The following RPGRIP1L variants were observed in gnomAD, a reference collection of about 807,000 sequenced individuals.
RPGRIP1L encodes the protein protein fantom.
A neutral mutation model predicts 160.4 loss-of-function variants in RPGRIP1L; 131 were observed. The observed-to-expected ratio is 0.82, with a 90% CI of 0.71 to 0.94. The LOEUF is 0.94. Among genes scored for constraint, RPGRIP1L ranks in the 40% least tolerant of loss-of-function variants. The pLI is 0.00. For missense variants in RPGRIP1L, 1,522 were observed against 1,535.8 expected (o/e 0.99, Z 0.15); for synonymous variants, 510 against 515.8 (o/e 0.99, Z 0.15).
chr16:53,646,921 C>T (rs1489549644), intron 16 of RPGRIP1L, among the ~76,000 whole-genome samples: 1 of 152,128 alleles, frequency 6.6e-6, no homozygotes, highest in East Asian at 1.9e-4. Context: ...ACGTGAATCA[C>T]AATATTGCTT....
rs1238554718 is a variant in RPGRIP1L, at chr16:53,600,677, G to A, written c.*1399C>T. 6.6e-6 allele frequency: 1 copy of A among 152,512 alleles called. No individual in the cohort carries two copies. Among genetic ancestry groups the A allele is most frequent in the Non-Finnish European group, 1.5e-5 (1 of 68,016 alleles). 9.4% of individuals were successfully genotyped at this position (152,512 alleles called of 1,614,324 possible). On this transcript the variant is annotated 3_prime_UTR_variant, in exon 27 of 27. Coordinates refer to ENST00000647211, the MANE Select transcript of RPGRIP1L (RefSeq NM_015272.5). ...ATACTTGCATTTTTGCATTATAGCT[G>A]CTTTTTTTTTCTATTGAACTGTAAT...
Position 53,696,295 on chromosome 16 carries a change from T to G in RPGRIP1L, c.86A>C (p.Glu29Ala), listed in dbSNP as rs1246633231. ...CTTCATTGTCCGTGTTGTTGAAGTTTCTGCAAAAATGCCAAGATAATTAAT... is the reference window on the plus strand; with the variant it reads ...CTTCATTGTCCGTGTTGTTGAAGTTGCTGCAAAAATGCCAAGATAATTAAT... ...LNLFGMGGLQ[E>A]TSTTRTMKSR... The change falls in exon 3 of 27, where the codon GAA (glutamate) becomes GCA (alanine). Residue 29 changes from glutamate to alanine, a missense_variant and splice_region_variant. Coordinates refer to ENST00000647211, the MANE Select transcript of RPGRIP1L (RefSeq NM_015272.5). 6.2e-7 allele frequency: 1 copy of G among 1,613,980 alleles called. No homozygotes were observed. The highest frequency in any genetic ancestry group is 1.3e-5 in the African/African-American group (1 of 75,038).
At chr16:53,679,581 C>A (rs1181708489) in intron 6 of RPGRIP1L, among the ~76,000 whole-genome samples, 1 of 137,516 alleles carries the variant, frequency 7.3e-6, no homozygotes, top group Non-Finnish European at 1.6e-5. Context: ...CTGAACCTTA[C>A]AGTCAATATT....
intron 17 of RPGRIP1L, among the ~76,000 whole-genome samples, chr16:53,643,962 C>T (rs1299812331): frequency 6.6e-6 from 1 of 152,062 alleles, no homozygotes; most frequent in African/African-American, 2.4e-5. Context: ...GTTCAAAGAA[C>T]TAAAAGAAAG....
intron 10 of RPGRIP1L, among the ~76,000 whole-genome samples, chr16:53,661,523 T>C (rs1026854798): frequency 6.6e-6 from 1 of 152,100 alleles, no homozygotes; most frequent in Non-Finnish European, 1.5e-5. Context: ...AAGGCAAATA[T>C]AGTCCGAAGT....
chr16:53,686,384 T>C (rs753739908), intron 6 of RPGRIP1L, 49 bp downstream of exon 6: 2 of 1,575,940 alleles, frequency 1.3e-6, no homozygotes, highest in East Asian at 4.5e-5. Flanking sequence ...GATAAAGTAT[T>C]TTAAACTAAT....
At chr16:53,619,631 C>T (rs1207875399) in intron 23 of RPGRIP1L, among the ~76,000 whole-genome samples, 3 of 152,144 alleles carry the variant, frequency 2.0e-5, no homozygotes, top group African/African-American at 7.2e-5. Flanking sequence ...ATTCGGAGAT[C>T]AAAGCCTGTT....
At chr16:53,675,151 G>A in intron 6 of RPGRIP1L, 29 bp from the exon 7 acceptor site, 1 of 1,518,424 alleles carries the variant, frequency 6.6e-7, no homozygotes, top group Non-Finnish European at 9.1e-7. Flanking sequence ...GAAAAAGAGA[G>A]ACAGAAGTAA....
chr16:53,658,423 T>G lies in RPGRIP1L; in HGVS notation c.1392A>C (p.Leu464=), dbSNP rs773395675. ...INADELSEAL[L]LIKAQKEQKN... ...AAGTTCAGAACCTTACCTTTATAAG[T>G]AGGAGAGCTTCACTCAATTCATCAG... The change falls in exon 12 of 27, where the codon CTA becomes CTC. Residue 464 remains leucine, a synonymous_variant. Coordinates refer to ENST00000647211, the MANE Select transcript of RPGRIP1L (RefSeq NM_015272.5). 2.5e-6 allele frequency: 4 copies of G among 1,610,910 alleles called. No individual in the cohort carries two copies. Among genetic ancestry groups the G allele is most frequent in the Non-Finnish European group, 3.4e-6 (4 of 1,177,296 alleles).
chr16:53,606,239 T>G (rs1963675868), intron 25 of RPGRIP1L, among the ~76,000 whole-genome samples: 1 of 152,188 alleles, frequency 6.6e-6, no homozygotes, highest in South Asian at 2.1e-4. Flanking sequence ...GACATATAAT[T>G]GTAGGGTTCT....
At chr16:53,667,488 A>G (rs1598362900) in intron 9 of RPGRIP1L, among the ~76,000 whole-genome samples, 1 of 152,232 alleles carries the variant, frequency 6.6e-6, no homozygotes, top group Non-Finnish European at 1.5e-5. Context: ...CTGTAATCCC[A>G]ATGCTTTGGG....
intron 22 of RPGRIP1L, among the ~76,000 whole-genome samples, chr16:53,622,707 T>TA (rs1199041420): frequency 1.3e-5 from 2 of 151,528 alleles, no homozygotes; most frequent in African/African-American, 4.9e-5. Context: ...GCAGATTGCT[T>TA]AAGCCCAGGA....
In RPGRIP1L at chr16:53,641,429, G is replaced by T; in HGVS notation, c.2730C>A (p.Ile910=). 6.2e-7 allele frequency: 1 copy of T among 1,613,938 alleles called. No homozygotes were observed. ...TDHQKHPAGT[I]HVILKWKFAY... The stretch of plus-strand genomic sequence containing the variant: ...CAAATTTCCATTTCAATATAACATG[G>T]ATGGTGCCAGCAGGATGCTTTTGAT... Residue 910 remains isoleucine, a synonymous_variant, in exon 18 of 27, where the codon ATC becomes ATA. Coordinates refer to ENST00000647211, the MANE Select transcript of RPGRIP1L (RefSeq NM_015272.5).
chr16:53,702,753 A>G (rs1971549741), intron 1 of RPGRIP1L, among the ~76,000 whole-genome samples: 1 of 151,504 alleles, frequency 6.6e-6, no homozygotes, highest in Non-Finnish European at 1.5e-5. Context: ...CATGGGTTCA[A>G]GTGATCCTCC....
At chr16:53,690,476 G>T (rs1381197749) in intron 4 of RPGRIP1L, among the ~76,000 whole-genome samples, 1 of 152,248 alleles carries the variant, frequency 6.6e-6, no homozygotes, top group Admixed American at 6.5e-5. Context: ...GATTATAGGC[G>T]TGAGTCACTG....
At chr16:53,665,373 T>A (rs914792102) in intron 9 of RPGRIP1L, among the ~76,000 whole-genome samples, 10 of 152,188 alleles carry the variant, frequency 6.6e-5, no homozygotes, top group African/African-American at 2.4e-4. Context: ...CTCTCCCACA[T>A]ACAAACCTCT....
At chr16:53,624,839 C>G (rs185747580) in intron 22 of RPGRIP1L, among the ~76,000 whole-genome samples, 1 of 150,348 alleles carries the variant, frequency 6.7e-6, no homozygotes, top group African/African-American at 2.4e-5. Context: ...TGTACTGCCG[C>G]GATCTCGGCT....
At position 53,600,842 on chromosome 16, in the gene RPGRIP1L, T is replaced by A. The variant is rs1963347993; in HGVS notation, c.*1234A>T. 1 of 152,604 alleles carries A rather than the reference T, an allele frequency of 6.6e-6. No homozygotes were observed. The highest frequency in any genetic ancestry group is 1.5e-5 in the Non-Finnish European group (1 of 68,034). The allele number at this position is 152,604 out of a possible 1,614,324, so 9.5% of individuals were successfully genotyped here. ...ATTCTCTAAATGAAATGGTCTGTGATCACTGAAGCAGAGATTTAATATATC... is the reference window on the plus strand; with the variant it reads ...ATTCTCTAAATGAAATGGTCTGTGAACACTGAAGCAGAGATTTAATATATC... On this transcript the variant is annotated 3_prime_UTR_variant, in exon 27 of 27. Transcript: ENST00000647211.
intron 6 of RPGRIP1L, among the ~76,000 whole-genome samples, chr16:53,685,677 G>C (rs994117294): frequency 6.6e-6 from 1 of 151,990 alleles, no homozygotes; most frequent in African/African-American, 2.4e-5. Context: ...CACATAGGGT[G>C]GGGGGAACAA....
Sources: gnomAD v4.1 joint callset for allele counts (sites outside exome capture counted in the v4.1 genomes callset) on GRCh38, gnomAD v4.1.1 for gene constraint, MANE v1.5 for transcripts, NCBI Gene and HGNC (gene_info 2026-07-23, HGNC 2026-07-21) for gene names.